The following PRKCQ variants were observed in gnomAD, a reference collection of about 807,000 sequenced individuals.
The protein encoded by PRKCQ is protein kinase C theta.
In PRKCQ, 41 loss-of-function variants were observed where a neutral mutation model predicts 91.2. The observed-to-expected ratio is 0.45, with a 90% CI of 0.35 to 0.58. The LOEUF (loss-of-function observed/expected upper bound fraction) is 0.58, where lower values mean the gene tolerates loss of function less well. Ranked by LOEUF, PRKCQ falls within the 20% of genes least tolerant of loss-of-function variation. The pLI is 0.00. For missense variants in PRKCQ, 673 were observed against 896.5 expected (o/e 0.75, Z 3.18); for synonymous variants, 307 against 316.9 (o/e 0.97, Z 0.33).
At chr10:6,503,216 T>G (rs1224512733) in intron 4 of PRKCQ, among the ~76,000 whole-genome samples, 2 of 152,206 alleles carry the variant, frequency 1.3e-5, no homozygotes, top group Non-Finnish European at 1.5e-5. Flanking sequence ...TAAAGGCTAG[T>G]ACTTATTGTC....
In PRKCQ at chr10:6,435,429, C is replaced by T. The variant is rs145357566; in HGVS notation, c.1837-4491G>A. 7.7e-3 allele frequency among the ~76,000 whole-genome samples: 1,165 copies of T among 152,252 alleles called. 18 individuals carry two copies. The highest frequency in any genetic ancestry group is 0.027 in the African/African-American group (1,119 of 41,544). On this transcript the variant is annotated intron_variant, in intron 16 of 17. Coordinates refer to ENST00000263125, the MANE Select transcript of PRKCQ (RefSeq NM_006257.5). ...CTCAAGAATGTGGGGGCTGTTGGAT[C>T]AAAGCAAAGGAGGAATAGAGATAAA...
At chr10:6,500,127 G>A (rs895224003) in intron 4 of PRKCQ, among the ~76,000 whole-genome samples, 2 of 152,120 alleles carry the variant, frequency 1.3e-5, no homozygotes, top group South Asian at 2.1e-4. Flanking sequence ...GGTAAATGAG[G>A]GGTTAAATTA....
chr10:6,515,216 T>A, intron 1 of PRKCQ, 72 bp from the exon 2 acceptor site: 2 of 1,599,856 alleles, frequency 1.3e-6, no homozygotes, highest in Non-Finnish European at 1.7e-6. Flanking sequence ...CCATGTCTAC[T>A]TAACCAGTGC....
chr10:6,447,180 G>A (rs541380635), intron 15 of PRKCQ, among the ~76,000 whole-genome samples: 10 of 152,120 alleles, frequency 6.6e-5, no homozygotes, highest in East Asian at 5.8e-4. Context: ...AGGCCAAGGC[G>A]GGCGGATCAT....
chr10:6,444,649 T>A (rs624016), intron 15 of PRKCQ, among the ~76,000 whole-genome samples: 57,317 of 151,790 alleles, frequency 0.38, 11,099 homozygotes, highest in African/African-American at 0.44. Flanking sequence ...GAACATCTGT[T>A]CTACCTTGTA....
At chr10:6,453,238 C>T (rs1322972910) in intron 15 of PRKCQ, among the ~76,000 whole-genome samples, 11 of 151,888 alleles carry the variant, frequency 7.2e-5, no homozygotes, top group Non-Finnish European at 7.4e-5. Context: ...AAAAAAACAA[C>T]CCCATCAAAA....
chr10:6,472,262 C>T (rs760491749), intron 12 of PRKCQ, among the ~76,000 whole-genome samples: 7 of 151,996 alleles, frequency 4.6e-5, no homozygotes, highest in Non-Finnish European at 8.8e-5. Context: ...GAGCCGAGAT[C>T]GCACCACTGC....
At chr10:6,403,364 AGT>A in the PRKCQ span, among the ~76,000 whole-genome samples, 1 of 152,128 alleles carries the variant, frequency 6.6e-6, no homozygotes, top group Admixed American at 6.5e-5. Flanking sequence ...AAAAGAGAAA[AGT>A]GCTTCTGATG....
intron 1 of PRKCQ, among the ~76,000 whole-genome samples, chr10:6,541,482 CT>C (rs904466919): frequency 1.3e-5 from 2 of 152,146 alleles, no homozygotes; most frequent in Non-Finnish European, 2.9e-5. Flanking sequence ...TTTCCTGGAT[CT>C]GAAGGAATTG....
chr10:6,395,360 G>A, the PRKCQ span, among the ~76,000 whole-genome samples: 2 of 152,040 alleles, frequency 1.3e-5, no homozygotes, highest in African/African-American at 2.4e-5. Context: ...CAGCGCGCCC[G>A]GCCGGCTGGA....
chr10:6,510,913 C>T lies in PRKCQ; in HGVS notation c.318+82G>A. 2.6e-6 allele frequency: 4 copies of T among 1,539,152 alleles called. No homozygotes were observed. In the Admixed American group the frequency reaches 5.0e-5, roughly 19 times the overall value. ...CCCGAGGCCAGTGTAATCACACCCTCAGATTGACATGGGAGTTCTGAGCCA... is the reference window on the plus strand; with the variant it reads ...CCCGAGGCCAGTGTAATCACACCCTTAGATTGACATGGGAGTTCTGAGCCA... On this transcript the variant is annotated intron_variant, in intron 3 of 17. Transcript: ENST00000263125.
At chr10:6,406,639 C>T in the PRKCQ span, among the ~76,000 whole-genome samples, 1 of 152,140 alleles carries the variant, frequency 6.6e-6, no homozygotes, top group Non-Finnish European at 1.5e-5. Flanking sequence ...TTTATAGACA[C>T]AAAACAGTTC....
intron 10 of PRKCQ, among the ~76,000 whole-genome samples, chr10:6,484,242 C>T (rs1836778094): frequency 6.6e-6 from 1 of 152,140 alleles, no homozygotes; most frequent in African/African-American, 2.4e-5. Context: ...GGTGAAGCCC[C>T]ATCTCTACTA....
At chr10:6,420,225 G>A in the PRKCQ span, among the ~76,000 whole-genome samples, 1 of 152,144 alleles carries the variant, frequency 6.6e-6, no homozygotes, top group South Asian at 2.1e-4. Flanking sequence ...CTGACCTCGT[G>A]ATCCACCCGC....
the PRKCQ span, among the ~76,000 whole-genome samples, chr10:6,397,057 A>C: frequency 6.6e-6 from 1 of 151,986 alleles, no homozygotes; most frequent in South Asian, 2.1e-4. Flanking sequence ...GTATGTGTTT[A>C]ATGGCCATTT....
At chr10:6,405,275 G>A in the PRKCQ span, among the ~76,000 whole-genome samples, 30 of 152,280 alleles carry the variant, frequency 2.0e-4, no homozygotes, top group East Asian at 3.3e-3. Context: ...GAGCCACCGC[G>A]CCCGGTCAGA....
At chr10:6,469,098 A>G (rs1355025622) in intron 12 of PRKCQ, among the ~76,000 whole-genome samples, 1 of 152,210 alleles carries the variant, frequency 6.6e-6, no homozygotes, top group East Asian at 1.9e-4. Flanking sequence ...ATAATCAGAA[A>G]AAGGACAGCC....
intron 1 of PRKCQ, among the ~76,000 whole-genome samples, chr10:6,545,937 G>A (rs1839934437): frequency 6.6e-6 from 1 of 152,126 alleles, no homozygotes; most frequent in Non-Finnish European, 1.5e-5. Flanking sequence ...CCAGGAGGTG[G>A]AGGTTGCAGT....
intron 1 of PRKCQ, among the ~76,000 whole-genome samples, chr10:6,528,836 A>G (rs1178398594): frequency 6.6e-6 from 1 of 152,186 alleles, no homozygotes. Context: ...ACCTGTCCCT[A>G]CTTGCAAAGG....
Sources: allele counts gnomAD v4.1 joint callset (sites outside exome capture counted in the v4.1 genomes callset), GRCh38; gene constraint gnomAD v4.1.1; transcripts MANE v1.5; gene names NCBI Gene and HGNC (gene_info 2026-07-23, HGNC 2026-07-21).